TNIK: variants seen among roughly 807,000 people sequenced by gnomAD.
TNIK encodes TRAF2 and NCK interacting kinase.
In TNIK, 49 loss-of-function variants were observed where a neutral mutation model predicts 191.3. The ratio of observed to expected loss-of-function variants is 0.26; its 90% confidence interval spans 0.20 to 0.32. The LOEUF is 0.32. Ranked by LOEUF, TNIK falls within the 10% of genes least tolerant of loss-of-function variation. The pLI, the probability that TNIK is intolerant of heterozygous loss-of-function variation, is 1.00. For missense variants in TNIK, 1,155 were observed against 1,702.3 expected (o/e 0.68, Z 5.66); for synonymous variants, 594 against 600.9 (o/e 0.99, Z 0.17).
chr3:171,293,700 TTTGTA>T (rs2108245369), intron 2 of TNIK, among the ~76,000 whole-genome samples: 1 of 152,338 alleles, frequency 6.6e-6, no homozygotes, highest in Admixed American at 6.5e-5. Context: ...TTACCTTCTA[TTTGTA>T]GTGATATTGT....
chr3:171,209,641 C>T (rs142119370), intron 4 of TNIK, among the ~76,000 whole-genome samples: 150 of 152,040 alleles, frequency 9.9e-4, no homozygotes, highest in African/African-American at 3.5e-3. Flanking sequence ...TTAGAGGCCA[C>T]AATTAAAACC....
At chr3:171,226,239 GAAGT>G (rs1742946005) in intron 3 of TNIK, among the ~76,000 whole-genome samples, 2 of 152,168 alleles carry the variant, frequency 1.3e-5, no homozygotes, top group Non-Finnish European at 1.5e-5. Flanking sequence ...AATGAAAGCA[GAAGT>G]AAGTAGTAAT....
At position 171,459,857 on chromosome 3, in the gene TNIK, A is replaced by G. The variant is rs919964144; in HGVS notation, c.57+150T>C. On this transcript the variant is annotated intron_variant, in intron 1 of 32. Transcript: ENST00000436636. ...GGGCTCAGCCAGGAGCACCTCAGCA[A>G]CCCCGAATCAAAACGGGAATCCAGG... 6 of 984,222 alleles carry G rather than the reference A, an allele frequency of 6.1e-6. No homozygotes were observed. The African/African-American group carries it at 9.7e-5, about 16-fold the overall frequency. The allele number at this position is 984,222 out of a possible 1,614,324, so 61.0% of individuals were successfully genotyped here. A position where few individuals can be genotyped will look rare whatever the true frequency, so the allele number is the denominator to read the frequency against.
chr3:171,460,096 CCA>C lies in TNIK; in HGVS notation c.-35_-34del. On this transcript the variant is annotated 5_prime_UTR_variant, in exon 1 of 33. Coordinates refer to ENST00000436636, the MANE Select transcript of TNIK (RefSeq NM_015028.4). The surrounding 1 kb of genome is among the most constrained non-coding windows in gnomAD (Gnocchi z 6.8). ...TCTTCGCTGGAGAAATGGACCAAAA[CCA>C]CCCCGAAGCTTTTCCCTTGGAAATT... 1.3e-6 allele frequency: 2 copies of C among 1,588,964 alleles called. No homozygotes were observed. The highest frequency in any genetic ancestry group is 2.3e-5 in the South Asian group (2 of 87,030).
At chr3:171,325,155 T>C (rs988051564) in intron 2 of TNIK, among the ~76,000 whole-genome samples, 1 of 152,016 alleles carries the variant, frequency 6.6e-6, no homozygotes, top group Non-Finnish European at 1.5e-5. Flanking sequence ...GATTGGCTGG[T>C]GCTGTTTCTA....
At chr3:171,378,596 C>T (rs1409353686) in intron 1 of TNIK, among the ~76,000 whole-genome samples, 1 of 152,134 alleles carries the variant, frequency 6.6e-6, no homozygotes, top group East Asian at 1.9e-4. Flanking sequence ...TCCAATACCT[C>T]GATCATGACT....
chr3:171,377,507 C>T (rs960074162), intron 1 of TNIK, among the ~76,000 whole-genome samples: 2 of 152,242 alleles, frequency 1.3e-5, no homozygotes, highest in Non-Finnish European at 2.9e-5. Context: ...ATACAATAAG[C>T]TATAATAGGC....
chr3:171,293,403 T>C (rs2108244340), intron 2 of TNIK, among the ~76,000 whole-genome samples: 1 of 152,320 alleles, frequency 6.6e-6, no homozygotes, highest in South Asian at 2.1e-4. Context: ...GGGTAGGATG[T>C]GCACCACTGG....
chr3:171,459,951 A>G lies in TNIK; in HGVS notation c.57+56T>C. 3.3e-6 allele frequency: 4 copies of G among 1,224,916 alleles called. No homozygotes were observed. In the East Asian group the frequency reaches 1.4e-4, roughly 43 times the overall value. The allele number at this position is 1,224,916 out of a possible 1,614,324, so 75.9% of individuals were successfully genotyped here. On this transcript the variant is annotated intron_variant, in intron 1 of 32. Transcript: ENST00000436636. ...GCCCCAGCCCCCAGTCCACGCACCG[A>G]GCCCATTCACCCTAACCCAAACCAC...
rs188564192 is a variant in TNIK, at chr3:171,105,213, A to G, written c.2406+1970T>C. Reference sequence around the variant, plus strand: ...TGAGAGGGAAGCCCTACCAAAACCTATGAATGGAGAAGGGAGAAAGGTGTA... The same window carrying G: ...TGAGAGGGAAGCCCTACCAAAACCTGTGAATGGAGAAGGGAGAAAGGTGTA... On this transcript the variant is annotated intron_variant, in intron 21 of 32. Coordinates refer to ENST00000436636, the MANE Select transcript of TNIK (RefSeq NM_015028.4). Among the ~76,000 whole-genome samples the G allele has an allele frequency of 8.5e-5, 13 of 152,320 alleles. No homozygotes were observed. In the East Asian group the frequency reaches 2.3e-3, roughly 27 times the overall value.
At chr3:171,298,747 T>G (rs767600413) in intron 2 of TNIK, among the ~76,000 whole-genome samples, 18 of 152,226 alleles carry the variant, frequency 1.2e-4, no homozygotes, top group Non-Finnish European at 2.2e-4. Flanking sequence ...AACCTTTGTG[T>G]GTAAAGCCAC....
intron 2 of TNIK, among the ~76,000 whole-genome samples, chr3:171,359,617 C>A (rs949301154): frequency 6.6e-6 from 1 of 152,166 alleles, no homozygotes; most frequent in Non-Finnish European, 1.5e-5. Flanking sequence ...ACCCTCACCA[C>A]CAACAACGCT....
intron 7 of TNIK, among the ~76,000 whole-genome samples, chr3:171,181,746 G>T (rs1371836351): frequency 6.6e-6 from 1 of 152,174 alleles, no homozygotes; most frequent in Non-Finnish European, 1.5e-5. Context: ...AGCACAGAAA[G>T]CTAGGAGCTT....
intron 2 of TNIK, among the ~76,000 whole-genome samples, chr3:171,261,320 A>G (rs1747582320): frequency 6.6e-6 from 1 of 152,190 alleles, no homozygotes; most frequent in Admixed American, 6.5e-5. Flanking sequence ...CAGCCCAAGC[A>G]TTACTTTCTG....
In TNIK at chr3:171,444,220, G is replaced by A. The variant is rs531968282; in HGVS notation, c.57+15787C>T. On this transcript the variant is annotated intron_variant, in intron 1 of 32. Transcript: ENST00000436636. Reference sequence around the variant, plus strand: ...AGAACTGTGGATTAAATAGCAACATGGGACACTTTTGTGGCTAGGTAAGAG... The same window carrying A: ...AGAACTGTGGATTAAATAGCAACATAGGACACTTTTGTGGCTAGGTAAGAG... Among the ~76,000 whole-genome samples the A allele has an allele frequency of 9.2e-5, 14 of 152,250 alleles. No homozygotes were observed. The East Asian group carries it at 2.1e-3, about 23-fold the overall frequency.
chr3:171,192,009 A>G (rs1316097168), intron 5 of TNIK, among the ~76,000 whole-genome samples: 1 of 152,224 alleles, frequency 6.6e-6, no homozygotes, highest in Non-Finnish European at 1.5e-5. Context: ...AAATCATGGT[A>G]TGAAAAATGA....
chr3:171,343,729 T>C (rs1163496641), intron 2 of TNIK, among the ~76,000 whole-genome samples: 2 of 152,224 alleles, frequency 1.3e-5, no homozygotes, highest in African/African-American at 2.4e-5. Flanking sequence ...TCTAGAGTTA[T>C]ATATCCTAAT....
chr3:171,379,875 G>A (rs1231271449), intron 1 of TNIK, among the ~76,000 whole-genome samples: 3 of 152,070 alleles, frequency 2.0e-5, no homozygotes, highest in African/African-American at 4.8e-5. Flanking sequence ...TGGGCGTGGT[G>A]GTACACGCCT....
rs113371258 is a variant in TNIK at position 171,334,293 on chromosome 3, A to G, written c.123+35327T>C. 7.7e-3 allele frequency among the ~76,000 whole-genome samples: 1,171 copies of G among 152,294 alleles called. 14 individuals carry two copies. Among genetic ancestry groups the G allele is most frequent in the African/African-American group, 0.027 (1,125 of 41,546 alleles). On this transcript the variant is annotated intron_variant, in intron 2 of 32. Coordinates refer to ENST00000436636, the MANE Select transcript of TNIK (RefSeq NM_015028.4). ...CTCTCTCCTCTCTGTTCACACACAC[A>G]TACACAATCCTCTGCACTGTGACCG...
Sources: allele counts gnomAD v4.1 joint callset (sites outside exome capture counted in the v4.1 genomes callset), GRCh38; gene constraint gnomAD v4.1.1; non-coding constraint Gnocchi (gnomAD v3.1); transcripts MANE v1.5; gene names NCBI Gene and HGNC (gene_info 2026-07-23, HGNC 2026-07-21).